The following AP1B1 variants were observed in gnomAD, a reference collection of about 807,000 sequenced individuals.
AP1B1 encodes the protein AP-1 complex subunit beta-1.
In AP1B1, 36 loss-of-function variants were observed where a neutral mutation model predicts 104.3. The ratio of observed to expected loss-of-function variants is 0.35; its 90% CI spans 0.26 to 0.46. The LOEUF (loss-of-function observed/expected upper bound fraction) is 0.46. Among genes scored for constraint, AP1B1 ranks in the 20% least tolerant of loss-of-function variants. AP1B1 has a pLI of 1.00. For missense variants in AP1B1, 901 were observed against 1,247.9 expected, an observed-to-expected ratio of 0.72 and a Z score of 4.19; for synonymous variants, 504 against 517.5, an observed-to-expected ratio of 0.97 and a Z score of 0.35.
chr22:29,370,908 C>G (rs1440916731), intron 1 of AP1B1, among the ~76,000 whole-genome samples: 1 of 152,178 alleles, frequency 6.6e-6, no homozygotes, highest in Non-Finnish European at 1.5e-5. Flanking sequence ...CTTTTTTCCG[C>G]AGTATCTGTT....
chr22:29,334,903 G>A (rs1322926021), intron 16 of AP1B1, among the ~76,000 whole-genome samples: 1 of 152,250 alleles, frequency 6.6e-6, no homozygotes, highest in African/African-American at 2.4e-5. Context: ...GTAGAAACTG[G>A]TCTGACCAAG....
chr22:29,377,987 A>G (rs2062373675), intron 1 of AP1B1, among the ~76,000 whole-genome samples: 1 of 152,106 alleles, frequency 6.6e-6, no homozygotes, highest in South Asian at 2.1e-4. Flanking sequence ...AAGGTCACAC[A>G]TGTCCCACTC....
rs760365347 is a variant in AP1B1, at chr22:29,342,398, G to T, written c.1438-15C>A. 3.7e-6 allele frequency: 6 copies of T among 1,607,226 alleles called. No homozygotes were observed. The East Asian group carries it at 1.3e-4, about 36-fold the overall frequency. On this transcript the variant is annotated splice_polypyrimidine_tract_variant and intron_variant, in intron 11 of 22. Transcript: ENST00000357586. The stretch of plus-strand genomic sequence containing the variant: ...TGCAGCTGGACCTGCAGGGAACAGC[G>T]GTGACGAGGAGGAAGTGTGGGCCTC...
intron 16 of AP1B1, among the ~76,000 whole-genome samples, chr22:29,335,095 G>A (rs1157294214): frequency 1.3e-5 from 2 of 152,182 alleles, no homozygotes; most frequent in Admixed American, 6.5e-5. Context: ...CAGAGAGCTC[G>A]CTGAGGGAAA....
At chr22:29,358,519 C>A (rs2061994134) in intron 5 of AP1B1, among the ~76,000 whole-genome samples, 1 of 152,168 alleles carries the variant, frequency 6.6e-6, no homozygotes, top group Non-Finnish European at 1.5e-5. Context: ...GGTTGCGCAG[C>A]TAGTCAGAGG....
At chr22:29,351,936 T>A in intron 7 of AP1B1, 111 bp from the exon 8 acceptor site, 1 of 1,395,058 alleles carries the variant, frequency 7.2e-7, no homozygotes, top group Non-Finnish European at 9.7e-7. Context: ...GAGCCTGATG[T>A]CTGTGAAGGC....
intron 5 of AP1B1, among the ~76,000 whole-genome samples, chr22:29,357,043 T>C (rs2061969284): frequency 6.7e-6 from 1 of 148,416 alleles, no homozygotes; most frequent in Non-Finnish European, 1.5e-5. Flanking sequence ...CCATTTCCAC[T>C]AGGAAGGTGT....
chr22:29,362,936 A>G (rs1055761151), intron 3 of AP1B1, 65 bp downstream of exon 3: 45 of 967,462 alleles, frequency 4.7e-5, no homozygotes, highest in Non-Finnish European at 6.6e-5. Flanking sequence ...ACTGAAGTGG[A>G]CCCAAGCTAT....
At chr22:29,366,294 A>T (rs1470254668) in intron 2 of AP1B1, among the ~76,000 whole-genome samples, 1 of 152,240 alleles carries the variant, frequency 6.6e-6, no homozygotes, top group Admixed American at 6.5e-5. Flanking sequence ...ATTGTTGGGA[A>T]ATGTTTATGA....
At chr22:29,330,575 G>A in intron 20 of AP1B1, 43 bp from the exon 21 acceptor site, 2 of 1,612,784 alleles carry the variant, frequency 1.2e-6, no homozygotes, top group South Asian at 1.1e-5. Flanking sequence ...TCAGCGCGGG[G>A]GCCTGGGTAC....
chr22:29,339,911 T>C, intron 14 of AP1B1, 137 bp from the exon 15 acceptor site: 1 of 974,640 alleles, frequency 1.0e-6, no homozygotes, highest in Non-Finnish European at 1.6e-6. Context: ...GAGAGGAGTG[T>C]GGTGTGAGGT....
At chr22:29,345,711 G>A (rs1421038585) in intron 11 of AP1B1, among the ~76,000 whole-genome samples, 1 of 152,136 alleles carries the variant, frequency 6.6e-6, no homozygotes, top group Non-Finnish European at 1.5e-5. Flanking sequence ...CTGAGATGGA[G>A]TCTTGGTCTG....
chr22:29,358,223 C>T (rs564617447), intron 5 of AP1B1, among the ~76,000 whole-genome samples: 1 of 152,306 alleles, frequency 6.6e-6, no homozygotes, highest in African/African-American at 2.4e-5. Context: ...GTTCCACATC[C>T]AGCTACATCC....
At chr22:29,379,615 C>T (rs116782059) in intron 1 of AP1B1, among the ~76,000 whole-genome samples, 3,759 of 152,164 alleles carry the variant, frequency 0.025, 144 homozygotes, top group African/African-American at 0.087. Flanking sequence ...GATTTAGAGG[C>T]CAGGTAAAGG....
intron 1 of AP1B1, among the ~76,000 whole-genome samples, chr22:29,371,830 A>G (rs2062244048): frequency 6.6e-6 from 1 of 152,164 alleles, no homozygotes; most frequent in Non-Finnish European, 1.5e-5. Context: ...ATTACGGGGA[A>G]TTTTTGATTC....
intron 6 of AP1B1, among the ~76,000 whole-genome samples, chr22:29,355,751 C>A (rs2061946468): frequency 6.6e-6 from 1 of 151,284 alleles, no homozygotes; most frequent in Non-Finnish European, 1.5e-5. Flanking sequence ...TAAAAATTAG[C>A]TGCTCATGTT....
intron 5 of AP1B1, among the ~76,000 whole-genome samples, chr22:29,357,431 T>C (rs188190992): frequency 1.3e-5 from 2 of 152,254 alleles, no homozygotes; most frequent in South Asian, 2.1e-4. Flanking sequence ...AGTGGTGCAA[T>C]CTTGGCTTAC....
chr22:29,366,120 A>G (rs1283650040), intron 2 of AP1B1, among the ~76,000 whole-genome samples: 3 of 152,160 alleles, frequency 2.0e-5, no homozygotes, highest in Non-Finnish European at 4.4e-5. Flanking sequence ...GGAGGAATAA[A>G]GGGCTGGCCA....
chr22:29,342,278 C>G lies in AP1B1; in HGVS notation c.1536+7G>C, dbSNP rs2061726843. 1 of 1,612,244 alleles carries G rather than the reference C, an allele frequency of 6.2e-7. No homozygotes were observed. The highest frequency in any genetic ancestry group is 8.5e-7 in the Non-Finnish European group (1 of 1,178,834). The stretch of plus-strand genomic sequence containing the variant: ...GCTGGGCACAGCGGGGAGGTTGGGG[C>G]ACCCACCTGAGTGGCCAAACTGAGG... On this transcript the variant is annotated splice_region_variant and intron_variant, in intron 12 of 22. Coordinates refer to ENST00000357586, the MANE Select transcript of AP1B1 (RefSeq NM_001127.4).
Sources: gnomAD v4.1 joint callset for allele counts (sites outside exome capture counted in the v4.1 genomes callset) on GRCh38, gnomAD v4.1.1 for gene constraint, MANE v1.5 for transcripts, NCBI Gene and HGNC (gene_info 2026-07-23, HGNC 2026-07-21) for gene names.